The following SCAPER variants were observed in gnomAD, a reference collection of about 807,000 sequenced individuals.
SCAPER encodes S-phase cyclin A associated protein in the ER, also known as S phase cyclin A-associated protein in the endoplasmic reticulum.
Under a neutral mutation model 182.2 loss-of-function variants are expected in SCAPER, and 98 were observed. That is an observed-to-expected ratio of 0.54 (90% CI 0.46 to 0.64). The LOEUF (loss-of-function observed/expected upper bound fraction) is 0.64, where lower values mean the gene tolerates loss of function less well. Ranked by LOEUF, SCAPER falls within the 30% of genes least tolerant of loss-of-function variation. SCAPER has a pLI of 0.00. For synonymous variants in SCAPER, 605 were observed against 564.6 expected (o/e 1.07, Z -1.01); for missense variants, 1,432 against 1,690.0 (o/e 0.85, Z 2.68).
rs554452319 is a variant in SCAPER, at chr15:76,603,301, G to A, written c.2711+18463C>T. Among the ~76,000 whole-genome samples, 418 of 119,144 alleles carry A rather than the reference G, an allele frequency of 3.5e-3. 45 individuals are homozygous for A. Among genetic ancestry groups the A allele is most frequent in the African/African-American group, 0.01 (400 of 39,284 alleles). 78.2% of individuals were successfully genotyped at this position (119,144 alleles called of 152,430 possible). ...ACATGCGGTGTTTTTTTGTCCTTGC[G>A]ATAGTTTGCTGAGAATGATGATTTC... is the stretch of plus-strand genomic sequence containing the variant. On this transcript the variant is annotated intron_variant, in intron 22 of 31. Coordinates refer to ENST00000563290, the MANE Select transcript of SCAPER (RefSeq NM_020843.4).
intron 16 of SCAPER, 115 bp downstream of exon 16, chr15:76,733,114 T>A (rs2061023272): frequency 5.3e-6 from 5 of 943,304 alleles, no homozygotes; most frequent in Non-Finnish European, 7.8e-6. Context: ...TATGTCTTTA[T>A]TTCTACAATC....
intron 8 of SCAPER, among the ~76,000 whole-genome samples, chr15:76,793,655 C>T (rs2065140296): frequency 2.6e-5 from 4 of 152,214 alleles, no homozygotes; most frequent in Admixed American, 6.5e-5. Flanking sequence ...ATTTAGCTTG[C>T]CCTAGGCATC....
chr15:76,729,509 G>T (rs907456773), intron 16 of SCAPER, among the ~76,000 whole-genome samples: 7 of 152,072 alleles, frequency 4.6e-5, no homozygotes, highest in Admixed American at 3.9e-4. Context: ...TTTCATGATG[G>T]AATTAAGTAA....
intron 14 of SCAPER, among the ~76,000 whole-genome samples, chr15:76,763,702 A>G (rs999672768): frequency 6.6e-6 from 1 of 151,696 alleles, no homozygotes; most frequent in Non-Finnish European, 1.5e-5. Context: ...CCTGTTTTCA[A>G]GTTCTCTTGA....
chr15:76,750,186 A>G (rs538568328), intron 15 of SCAPER, among the ~76,000 whole-genome samples: 1 of 152,026 alleles, frequency 6.6e-6, no homozygotes, highest in East Asian at 1.9e-4. Context: ...GAAAAAAAAA[A>G]ATCTCAACCC....
chr15:76,474,158 G>A (rs1250693357), intron 24 of SCAPER, among the ~76,000 whole-genome samples: 2 of 152,106 alleles, frequency 1.3e-5, no homozygotes, highest in African/African-American at 2.4e-5. Flanking sequence ...TTCCCTTGGT[G>A]GTACTAGTTG....
chr15:76,893,543 A>G (rs2074271182), intron 1 of SCAPER, among the ~76,000 whole-genome samples: 1 of 152,220 alleles, frequency 6.6e-6, no homozygotes, highest in Non-Finnish European at 1.5e-5. Context: ...GGAAACAGTG[A>G]ACTTGAACAG....
intron 24 of SCAPER, among the ~76,000 whole-genome samples, chr15:76,478,426 C>T (rs2050834111): frequency 6.6e-6 from 1 of 151,930 alleles, no homozygotes; most frequent in Non-Finnish European, 1.5e-5. Context: ...TGTAGTCTAA[C>T]AATTTTTGTA....
intron 23 of SCAPER, among the ~76,000 whole-genome samples, chr15:76,566,731 T>G (rs936021933): frequency 5.3e-5 from 8 of 152,062 alleles, no homozygotes; most frequent in African/African-American, 1.7e-4. Flanking sequence ...TGAACATTTC[T>G]TCAATAAAAA....
rs1244857989 is a variant in SCAPER, at chr15:76,348,522, T to C, written c.*111A>G. 1.6e-5 allele frequency: 11 copies of C among 669,554 alleles called. No individual in the cohort carries two copies. The highest frequency in any genetic ancestry group is 2.8e-5 in the Non-Finnish European group (11 of 396,292). The allele number at this position is 669,554 out of a possible 1,614,324, so 41.5% of individuals were successfully genotyped here. On this transcript the variant is annotated 3_prime_UTR_variant, in exon 32 of 32. Coordinates refer to ENST00000563290, the MANE Select transcript of SCAPER (RefSeq NM_020843.4). ...TAAAGTACATGCCATATCTACAGTG[T>C]GGGAAGAGTATAAACATGGGAAAAT...
At chr15:76,576,208 G>C (rs888422282) in intron 22 of SCAPER, among the ~76,000 whole-genome samples, 6 of 152,186 alleles carry the variant, frequency 3.9e-5, no homozygotes, top group African/African-American at 1.4e-4. Flanking sequence ...CAAAAAATAA[G>C]AAACTATTAG....
intron 5 of SCAPER, among the ~76,000 whole-genome samples, chr15:76,815,192 C>T (rs561809112): frequency 2.6e-5 from 4 of 152,228 alleles, no homozygotes; most frequent in African/African-American, 7.2e-5. Context: ...TTATGGAAAA[C>T]AGTATGAAAG....
At chr15:76,718,058 T>C (rs929657997) in intron 17 of SCAPER, among the ~76,000 whole-genome samples, 2 of 152,132 alleles carry the variant, frequency 1.3e-5, no homozygotes, top group Non-Finnish European at 2.9e-5. Context: ...TTTAAGAAGA[T>C]TCAAATTGTA....
intron 31 of SCAPER, chr15:76,350,437 G>A (rs1257431285): frequency 6.6e-6 from 1 of 151,584 alleles, no homozygotes; most frequent in Non-Finnish European, 1.5e-5. Context: ...CCAAGTAAGG[G>A]TTTCTTGGTG....
intron 2 of SCAPER, among the ~76,000 whole-genome samples, chr15:76,872,020 T>C (rs4312276): frequency 0.27 from 41,458 of 151,702 alleles, 6,445 homozygotes; most frequent in East Asian, 0.56. Flanking sequence ...AAAAATGAAA[T>C]TCACATGGAT....
chr15:76,426,105 C>G (rs1020883598), intron 26 of SCAPER, among the ~76,000 whole-genome samples: 1 of 152,190 alleles, frequency 6.6e-6, no homozygotes, highest in African/African-American at 2.4e-5. Context: ...AGATCTCAAA[C>G]TACATGCTGG....
chr15:76,570,461 G>C (rs888170657), intron 23 of SCAPER, among the ~76,000 whole-genome samples: 2 of 151,986 alleles, frequency 1.3e-5, no homozygotes, highest in Non-Finnish European at 2.9e-5. Flanking sequence ...TCACTACTCT[G>C]TTTGCAGTTC....
Position 76,724,275 on chromosome 15 carries a change from G to C in SCAPER, c.2165+4320C>G, listed in dbSNP as rs144477249. 7.5e-3 allele frequency among the ~76,000 whole-genome samples: 1,148 copies of C among 152,194 alleles called. 19 individuals are homozygous for C. The highest frequency in any genetic ancestry group is 0.026 in the African/African-American group (1,093 of 41,516). ...GGCCCCCATTCTCTTCTGGCTTATA[G>C]AGTTTCTGCCGAGAGATCAGCTGTT... On this transcript the variant is annotated intron_variant, in intron 17 of 31. Transcript: ENST00000563290.
intron 23 of SCAPER, among the ~76,000 whole-genome samples, chr15:76,543,342 A>G (rs943444622): frequency 2.0e-5 from 3 of 152,324 alleles, no homozygotes; most frequent in African/African-American, 2.4e-5. Flanking sequence ...TTTAAGGTTG[A>G]CATGTAATGC....
Sources: gnomAD v4.1 joint callset for allele counts (sites outside exome capture counted in the v4.1 genomes callset) on GRCh38, gnomAD v4.1.1 for gene constraint, MANE v1.5 for transcripts, NCBI Gene and HGNC (gene_info 2026-07-23, HGNC 2026-07-21) for gene names.